Variants in SCEL observed in about 807,000 individuals in gnomAD.
The protein encoded by SCEL is sciellin.
Under a neutral mutation model 117.6 loss-of-function variants are expected in SCEL, and 113 were observed. The ratio of observed to expected loss-of-function variants is 0.96; its 90% CI spans 0.83 to 1.12. The LOEUF is 1.12. Ranked by LOEUF, SCEL falls within the 50% of genes most tolerant of loss-of-function variation. The pLI, the probability that SCEL is intolerant of heterozygous loss-of-function variation, is 0.00. For synonymous variants in SCEL, 270 were observed against 256.2 expected (o/e 1.05, Z -0.51); for missense variants, 785 against 810.8 (o/e 0.97, Z 0.39).
chr13:77,539,248 A>C (rs925019903), intron 1 of SCEL, among the ~76,000 whole-genome samples: 8 of 150,912 alleles, frequency 5.3e-5, no homozygotes, highest in African/African-American at 1.9e-4. Flanking sequence ...TAGACATATA[A>C]AATTATGTAA....
intron 9 of SCEL, among the ~76,000 whole-genome samples, chr13:77,579,090 G>T (rs2154398560): frequency 6.6e-6 from 1 of 152,224 alleles, no homozygotes; most frequent in East Asian, 1.9e-4. Flanking sequence ...AGGCAGTGTG[G>T]GTCGATGGAT....
intron 2 of SCEL, 85 bp downstream of exon 2, chr13:77,556,003 A>G (rs997180598): frequency 1.0e-6 from 1 of 963,336 alleles, no homozygotes; most frequent in Non-Finnish European, 1.6e-6. Context: ...TAATACAGAT[A>G]TTGAATGCTT....
At chr13:77,577,215 C>T (rs539223189) in intron 9 of SCEL, among the ~76,000 whole-genome samples, 2 of 152,278 alleles carry the variant, frequency 1.3e-5, no homozygotes, top group East Asian at 3.9e-4. Flanking sequence ...ATGTGTATTA[C>T]TCTGTTGCCA....
chr13:77,604,196 A>T (rs2087937734), intron 18 of SCEL, 160 bp from the exon 19 acceptor site: 1 of 482,504 alleles, frequency 2.1e-6, no homozygotes, highest in Non-Finnish European at 3.6e-6. Flanking sequence ...CTTCAGCTCA[A>T]GTTGTAAGAG....
intron 28 of SCEL, among the ~76,000 whole-genome samples, chr13:77,629,617 C>T (rs2089937328): frequency 6.6e-6 from 1 of 152,108 alleles, no homozygotes; most frequent in Admixed American, 6.6e-5. Flanking sequence ...TTCCACTTTG[C>T]CCTCTGAAGC....
chr13:77,543,346 G>C (rs1381340212), intron 1 of SCEL, among the ~76,000 whole-genome samples: 2 of 151,840 alleles, frequency 1.3e-5, no homozygotes, highest in South Asian at 2.1e-4. Context: ...GCCTCCCAAA[G>C]TGCTGGGACT....
intron 9 of SCEL, among the ~76,000 whole-genome samples, chr13:77,573,594 A>G (rs1192864928): frequency 1.3e-5 from 2 of 148,822 alleles, no homozygotes; most frequent in East Asian, 4.9e-4. Flanking sequence ...TAGTTGGTCA[A>G]TAGACACAAA....
intron 30 of SCEL, among the ~76,000 whole-genome samples, chr13:77,638,454 CA>C (rs1280371333): frequency 2.6e-5 from 4 of 152,078 alleles, no homozygotes; most frequent in African/African-American, 4.8e-5. Context: ...AAGATAGTAC[CA>C]ACATCAGTGC....
At chr13:77,563,799 T>TG in intron 4 of SCEL, 32 bp from the exon 5 acceptor site, 1 of 1,422,524 alleles carries the variant, frequency 7.0e-7, no homozygotes, top group Non-Finnish European at 9.5e-7. Context: ...TTGATTTGAT[T>TG]TTTTTTTTTT....
rs374975836 is a variant in SCEL at position 77,611,010 on chromosome 13, T to C, written c.1337+904T>C. Among the ~76,000 whole-genome samples, 20 of 152,300 alleles carry C rather than the reference T, an allele frequency of 1.3e-4. No individual in the cohort carries two copies. In the East Asian group the frequency reaches 3.1e-3, roughly 23 times the overall value. Reference sequence around the variant, plus strand: ...GTTAGATGTAAAAGATACCAAGATATATATCTTCTCTCAGCAGATTTCCTA... The same window carrying C: ...GTTAGATGTAAAAGATACCAAGATACATATCTTCTCTCAGCAGATTTCCTA... On this transcript the variant is annotated intron_variant, in intron 22 of 32. Transcript: ENST00000349847.
In SCEL at chr13:77,602,684, G is replaced by A. The variant is rs952363033; in HGVS notation, c.1008G>A (p.Val336=). The change falls in exon 17 of 33, where the codon GTG becomes GTA. Residue 336 remains valine, a synonymous_variant. Transcript: ENST00000349847. ...AAAATCTCGAATCTGTTGCTAAAGT[G>A]AATGCCAGGATGAATAAAACGAGCA... ...GRQNLESVAK[V]NARMNKTSRR... 1 of 1,613,782 alleles carries A rather than the reference G, an allele frequency of 6.2e-7. No homozygotes were observed. Among genetic ancestry groups the A allele is most frequent in the Non-Finnish European group, 8.5e-7 (1 of 1,179,812 alleles).
intron 4 of SCEL, among the ~76,000 whole-genome samples, chr13:77,561,052 C>G: frequency 6.6e-6 from 1 of 152,184 alleles, no homozygotes; most frequent in Non-Finnish European, 1.5e-5. Flanking sequence ...ATCTGATTTA[C>G]TGTTCTGTGA....
intron 24 of SCEL, among the ~76,000 whole-genome samples, chr13:77,615,201 G>A (rs1314475357): frequency 1.3e-5 from 2 of 151,974 alleles, no homozygotes; most frequent in African/African-American, 4.8e-5. Flanking sequence ...TTTGGAGATG[G>A]ACAGAGCCTT....
chr13:77,610,602 A>G (rs915287661), intron 22 of SCEL, among the ~76,000 whole-genome samples: 2 of 152,244 alleles, frequency 1.3e-5, no homozygotes, highest in African/African-American at 4.8e-5. Context: ...CTTGAAAGAC[A>G]GGAATGATCT....
At chr13:77,550,392 A>G (rs2329031) in intron 1 of SCEL, among the ~76,000 whole-genome samples, 5,477 of 21,782 alleles carry the variant, frequency 0.25, 141 homozygotes, top group Admixed American at 0.35. Flanking sequence ...TCTAAAATAT[A>G]TATATATATA....
At chr13:77,629,318 T>C (rs2089921516) in intron 28 of SCEL, among the ~76,000 whole-genome samples, 1 of 152,160 alleles carries the variant, frequency 6.6e-6, no homozygotes, top group Non-Finnish European at 1.5e-5. Context: ...TCCATCTTTT[T>C]CCTGCCCTTC....
At position 77,642,794 on chromosome 13, in the gene SCEL, A is replaced by T. The variant is rs549440904; in HGVS notation, c.2036A>T (p.Tyr679Phe). 13 of 1,588,988 alleles carry T rather than the reference A, an allele frequency of 8.2e-6. No individual in the cohort carries two copies. The African/African-American group carries it at 1.6e-4, about 20-fold the overall frequency. Reference sequence around the variant, plus strand: ...CAGACAATACACTGTGAACCTTGCTACTCTAAAATTATGGGTAAGTGTTAC... The same window carrying T: ...CAGACAATACACTGTGAACCTTGCTTCTCTAAAATTATGGGTAAGTGTTAC... Reference protein sequence around the residue: ...YRQTIHCEPCYSKIMAKWIP With the variant: ...YRQTIHCEPCFSKIMAKWIP The change falls in exon 32 of 33, where the codon TAC becomes TTC. Residue 679 changes from tyrosine (Y) to phenylalanine (F), a missense_variant. Tyr to Phe is a conservative substitution (Grantham distance 22). Transcript: ENST00000349847.
chr13:77,562,509 A>G lies in SCEL; in HGVS notation c.222-1322A>G, dbSNP rs541076982. On this transcript the variant is annotated intron_variant, in intron 4 of 32. Transcript: ENST00000349847. Reference sequence around the variant, plus strand: ...TATTTCCCCTCCAAGGCCCAGCTCAAACTGCACTTCATTCCATAAAGCCTC... The same window carrying G: ...TATTTCCCCTCCAAGGCCCAGCTCAGACTGCACTTCATTCCATAAAGCCTC... 1.1e-4 allele frequency among the ~76,000 whole-genome samples: 17 copies of G among 152,288 alleles called. 1 individual carries two copies. The highest frequency in any genetic ancestry group is 4.1e-4 in the African/African-American group (17 of 41,560).
chr13:77,636,217 A>G (rs2090271178), intron 29 of SCEL, among the ~76,000 whole-genome samples: 1 of 152,212 alleles, frequency 6.6e-6, no homozygotes, highest in South Asian at 2.1e-4. Context: ...CTAACCGTGT[A>G]GCCCTAGTGA....
Sources: gnomAD v4.1 joint callset for allele counts (sites outside exome capture counted in the v4.1 genomes callset) on GRCh38, gnomAD v4.1.1 for gene constraint, MANE v1.5 for transcripts, NCBI Gene and HGNC (gene_info 2026-07-23, HGNC 2026-07-21) for gene names.